ARIH1: variants seen among roughly 807,000 people sequenced by gnomAD.
ARIH1 encodes the protein ariadne RBR E3 ubiquitin protein ligase 1.
A neutral mutation model predicts 85.0 loss-of-function variants in ARIH1; 8 were observed. That is an observed-to-expected ratio of 0.09 (90% CI 0.06 to 0.17). The LOEUF is 0.17. ARIH1 is among the 10% of genes least tolerant of loss of function. The pLI, the probability that ARIH1 is intolerant of heterozygous loss-of-function variation, is 1.00. For missense variants in ARIH1, 311 were observed against 718.1 expected (o/e 0.43, Z 6.48); for synonymous variants, 238 against 253.6 (o/e 0.94, Z 0.59).
intron 1 of ARIH1, among the ~76,000 whole-genome samples, chr15:72,506,826 T>TA (rs2063927775): frequency 6.6e-6 from 1 of 152,000 alleles, no homozygotes; most frequent in Non-Finnish European, 1.5e-5. Context: ...TAAACTGGAA[T>TA]AAAAAAGTGG....
At chr15:72,572,237 ATT>A (rs5813687) in intron 11 of ARIH1, 72 bp downstream of exon 11, 156,627 of 672,306 alleles carry the variant, frequency 0.23, 680 homozygotes, top group East Asian at 0.33. Context: ...TTAGAGAATA[ATT>A]TTTTTTTTTT....
At chr15:72,566,706 A>T (rs1009074456) in intron 8 of ARIH1, 101 bp downstream of exon 8, 1 of 761,296 alleles carries the variant, frequency 1.3e-6, no homozygotes. Context: ...CTATTGATAG[A>T]TTTTTTTTTA....
At chr15:72,501,903 C>T in intron 1 of ARIH1, among the ~76,000 whole-genome samples, 1 of 152,146 alleles carries the variant, frequency 6.6e-6, no homozygotes, top group South Asian at 2.1e-4. Flanking sequence ...TTTTTTGCCC[C>T]TATAAGGAAT....
chr15:72,540,258 C>CAAA (rs10615863), intron 2 of ARIH1, among the ~76,000 whole-genome samples: 1 of 81,356 alleles, frequency 1.2e-5, no homozygotes, highest in African/African-American at 4.6e-5. Context: ...GACTTTGTCT[C>CAAA]AAAAAAAAAA....
intron 1 of ARIH1, among the ~76,000 whole-genome samples, chr15:72,486,439 A>G (rs1303320231): frequency 4.6e-5 from 7 of 152,124 alleles, no homozygotes; most frequent in Non-Finnish European, 8.8e-5. Context: ...CATAGCATGT[A>G]TAAGTTCGGT....
intron 1 of ARIH1, among the ~76,000 whole-genome samples, chr15:72,512,941 GT>G (rs1161242382): frequency 6.6e-6 from 1 of 151,954 alleles, no homozygotes; most frequent in East Asian, 1.9e-4. Context: ...TTGTTCTGGA[GT>G]TTGCTTTGTC....
At chr15:72,561,064 GGCA>G (rs1383305179) in intron 5 of ARIH1, among the ~76,000 whole-genome samples, 1 of 152,080 alleles carries the variant, frequency 6.6e-6, no homozygotes, top group Non-Finnish European at 1.5e-5. Context: ...TAACATTTCT[GGCA>G]ACAATATCTG....
rs2064314152 is a variant in ARIH1 at position 72,585,862 on chromosome 15, G to C, written c.*2570G>C. On this transcript the variant is annotated 3_prime_UTR_variant, in exon 14 of 14. Coordinates refer to ENST00000379887, the MANE Select transcript of ARIH1 (RefSeq NM_005744.5). ...TAGTAGATTCAGTGCCCCCAGCTGG[G>C]ATAGGCAAGCCATGACAGCTTCCCT... 1 of 152,170 alleles carries C rather than the reference G, an allele frequency of 6.6e-6. No homozygotes were observed. Among genetic ancestry groups the C allele is most frequent in the Non-Finnish European group, 1.5e-5 (1 of 68,032 alleles). 9.4% of individuals were successfully genotyped at this position (152,170 alleles called of 1,614,324 possible).
At chr15:72,530,170 A>G (rs926365683) in intron 2 of ARIH1, among the ~76,000 whole-genome samples, 2 of 152,234 alleles carry the variant, frequency 1.3e-5, no homozygotes, top group African/African-American at 2.4e-5. Flanking sequence ...TCCTTTCACT[A>G]AATACACTAG....
At chr15:72,515,914 C>T (rs1401079247) in intron 1 of ARIH1, among the ~76,000 whole-genome samples, 1 of 152,142 alleles carries the variant, frequency 6.6e-6, no homozygotes, top group East Asian at 1.9e-4. Flanking sequence ...CTTTATTCCC[C>T]TAGCCAGAAG....
intron 5 of ARIH1, among the ~76,000 whole-genome samples, chr15:72,560,745 G>A: frequency 6.6e-6 from 1 of 152,176 alleles, no homozygotes; most frequent in East Asian, 1.9e-4. Context: ...AAGCTCAAGA[G>A]TCAAATGAGG....
At chr15:72,576,159 G>A (rs2140438239) in intron 11 of ARIH1, among the ~76,000 whole-genome samples, 1 of 152,188 alleles carries the variant, frequency 6.6e-6, no homozygotes, top group South Asian at 2.1e-4. Context: ...TAAAACATGG[G>A]GAGAGAAAGA....
At chr15:72,529,205 A>AG (rs2064044486) in intron 2 of ARIH1, among the ~76,000 whole-genome samples, 1 of 152,194 alleles carries the variant, frequency 6.6e-6, no homozygotes, top group African/African-American at 2.4e-5. Flanking sequence ...TCTCAAAAAA[A>AG]AAAAGCAAAT....
At chr15:72,546,937 G>C (rs939558578) in intron 3 of ARIH1, among the ~76,000 whole-genome samples, 19 of 57,476 alleles carry the variant, frequency 3.3e-4, no homozygotes, top group African/African-American at 4.7e-4. Flanking sequence ...TTTTTGGAGG[G>C]GGGGGGGTGG....
chr15:72,511,585 A>G (rs1373609547), intron 1 of ARIH1, among the ~76,000 whole-genome samples: 1 of 152,174 alleles, frequency 6.6e-6, no homozygotes, highest in East Asian at 1.9e-4. Context: ...GATTACAGGC[A>G]TGAACCACCG....
Position 72,586,946 on chromosome 15 carries a change from A to T in ARIH1, c.*3654A>T, listed in dbSNP as rs1050339911. On this transcript the variant is annotated 3_prime_UTR_variant, in exon 14 of 14. Transcript: ENST00000379887. ...GCTCACTCTTAAAGCTGATACTGTT[A>T]TATAGGGATGAAGGGAGAGTTTTCT... 1 of 330,362 alleles carries T rather than the reference A, an allele frequency of 3.0e-6. No homozygotes were observed. Among genetic ancestry groups the T allele is most frequent in the Non-Finnish European group, 5.8e-6 (1 of 172,520 alleles). 20.5% of individuals were successfully genotyped at this position (330,362 alleles called of 1,614,324 possible). A position where few individuals can be genotyped will look rare whatever the true frequency, so the allele number is the denominator to read the frequency against.
chr15:72,576,505 C>CAAAAAAAAAAAA (rs35725065), intron 11 of ARIH1, among the ~76,000 whole-genome samples: 2 of 63,278 alleles, frequency 3.2e-5, no homozygotes, highest in African/African-American at 7.7e-5. Context: ...GACTCTGTCT[C>CAAAAAAAAAAAA]AAAAAAAAAA....
intron 2 of ARIH1, among the ~76,000 whole-genome samples, chr15:72,535,664 C>G (rs2064078813): frequency 6.6e-6 from 1 of 152,160 alleles, no homozygotes; most frequent in Non-Finnish European, 1.5e-5. Flanking sequence ...CGATATTTCT[C>G]TTCAGTTGGA....
At chr15:72,579,373 T>TC (rs2064286234) in intron 11 of ARIH1, among the ~76,000 whole-genome samples, 3 of 151,824 alleles carry the variant, frequency 2.0e-5, no homozygotes, top group African/African-American at 7.3e-5. Context: ...ATTCAGTGGT[T>TC]GGGGGGGGAG....
Sources: gnomAD v4.1 joint callset for allele counts (sites outside exome capture counted in the v4.1 genomes callset) on GRCh38, gnomAD v4.1.1 for gene constraint, MANE v1.5 for transcripts, NCBI Gene and HGNC (gene_info 2026-07-23, HGNC 2026-07-21) for gene names.